TTBK1: variants seen among roughly 807,000 people sequenced by gnomAD.
TTBK1 encodes the protein tau-tubulin kinase 1.
In TTBK1, 34 loss-of-function variants were observed where a neutral mutation model predicts 108.5. The observed-to-expected ratio is 0.31, with a 90% CI of 0.24 to 0.42. TTBK1 has a LOEUF of 0.42. Ranked by LOEUF, TTBK1 falls within the 10% of genes least tolerant of loss-of-function variation. TTBK1 has a pLI of 1.00. For synonymous variants in TTBK1, 809 were observed against 795.1 expected (o/e 1.02, Z -0.29); for missense variants, 1,539 against 1,826.0 (o/e 0.84, Z 2.86).
At chr6:43,274,336 G>A (rs1489633841) in intron 13 of TTBK1, among the ~76,000 whole-genome samples, 4 of 152,164 alleles carry the variant, frequency 2.6e-5, no homozygotes, top group African/African-American at 9.7e-5. Flanking sequence ...CAGGACACCC[G>A]GACTCGCTCT....
At chr6:43,261,460 T>C (rs1231647351) in intron 12 of TTBK1, among the ~76,000 whole-genome samples, 2 of 152,136 alleles carry the variant, frequency 1.3e-5, no homozygotes, top group Non-Finnish European at 2.9e-5. Context: ...ATCCTCCTCT[T>C]GGGGCTGGCA....
intron 1 of TTBK1, among the ~76,000 whole-genome samples, chr6:43,244,998 C>T (rs548697514): frequency 1.7e-4 from 26 of 152,184 alleles, no homozygotes; most frequent in Non-Finnish European, 3.5e-4. Context: ...TTGGAGGAAA[C>T]AGCTCAGCTT....
In TTBK1 at chr6:43,262,940, G is replaced by A. The variant is rs1777580444; in HGVS notation, c.1576G>A (p.Ala526Thr). The A allele has an allele frequency of 1.2e-6, 2 of 1,614,036 alleles. No homozygotes were observed. Among genetic ancestry groups the A allele is most frequent in the African/African-American group, 1.3e-5 (1 of 75,062 alleles). Residue 526 changes from alanine (A) to threonine (T), a missense_variant, in exon 13 of 15, where the codon GCC (alanine) becomes ACC (threonine). By Grantham distance (58) the Ala-to-Thr change is moderately conservative. This residue lies in a region of TTBK1 where 277 missense variants were observed against 332.4 expected (regional missense o/e 0.83). Transcript: ENST00000259750. ...ASVEQEALSN[A>T]FRSVPLAEEE... ...TGTGGAGCAGGAGGCCCTGAGCAACGCCTTCCGCTCGGTGCCGCTGGCTGA... is the reference window on the plus strand; with the variant it reads ...TGTGGAGCAGGAGGCCCTGAGCAACACCTTCCGCTCGGTGCCGCTGGCTGA...
rs12664472 is a variant in TTBK1 at position 43,253,526 on chromosome 6, T to C, written c.331-42T>C. 342,216 of 1,584,884 alleles carry C rather than the reference T, an allele frequency of 0.22. 38,050 individuals carry two copies. The highest frequency in any genetic ancestry group is 0.34 in the East Asian group (15,284 of 44,456). ...ATCACAATGATGGTGTCTGGGATGA[T>C]GGCTGAGGGTGAGTCTACCCCCCAC... is the stretch of plus-strand genomic sequence containing the variant. On this transcript the variant is annotated intron_variant, in intron 4 of 14. Transcript: ENST00000259750. The surrounding 1 kb of genome is among the most constrained non-coding windows in gnomAD (Gnocchi z 5.8).
chr6:43,278,498 C>G (rs1778068125), intron 13 of TTBK1, among the ~76,000 whole-genome samples: 1 of 152,178 alleles, frequency 6.6e-6, no homozygotes, highest in African/African-American at 2.4e-5. Context: ...TCTTCTCTGA[C>G]CTACAGAATC....
chr6:43,284,679 T>C (rs909152339), intron 14 of TTBK1, among the ~76,000 whole-genome samples: 2 of 152,214 alleles, frequency 1.3e-5, no homozygotes, highest in African/African-American at 4.8e-5. Context: ...TTCATATTAA[T>C]ATAAACATAG....
At position 43,265,653 on chromosome 6, in the gene TTBK1, CTGAG is replaced by C. The variant is rs905718323; in HGVS notation, c.1986+2305_1986+2308del. Among the ~76,000 whole-genome samples, 7 of 152,328 alleles carry C rather than the reference CTGAG, an allele frequency of 4.6e-5. No homozygotes were observed. The highest frequency in any genetic ancestry group is 1.7e-4 in the African/African-American group (7 of 41,580). ...GCTCCCGTTTATTCATCCACACTCA[CTGAG>C]TATTTACTGTGTGCCATGTACCACA... On this transcript the variant is annotated intron_variant, in intron 13 of 14. Transcript: ENST00000259750. This position sits in a 1 kb window ranked among gnomAD's most constrained non-coding sequence, Gnocchi z 4.1.
chr6:43,256,699 A>G (rs1018892582), intron 9 of TTBK1, among the ~76,000 whole-genome samples: 1 of 152,166 alleles, frequency 6.6e-6, no homozygotes, highest in African/African-American at 2.4e-5. Flanking sequence ...AGATTAAACC[A>G]CAGCACTCCC....
rs1340979122 is a variant in TTBK1, at chr6:43,283,502, C to T, written c.2762C>T (p.Ser921Leu). Reference protein sequence around the residue: ...TGVGGVAVTSSPFTKVERTFV... With the variant: ...TGVGGVAVTSLPFTKVERTFV... ...GTCGGGGGCGTGGCAGTCACCTCCT[C>T]ACCCTTCACCAAAGTTGAGAGGACC... The change falls in exon 14 of 15, where the codon TCA becomes TTA. Residue 921 changes from serine (S) to leucine (L), a missense_variant. By Grantham distance (145) the Ser-to-Leu change is moderately radical (BLOSUM62 -2). Coordinates refer to ENST00000259750, the MANE Select transcript of TTBK1 (RefSeq NM_032538.3). This position sits in a 1 kb window ranked among gnomAD's most constrained non-coding sequence, Gnocchi z 8.1. 1 of 1,614,062 alleles carries T rather than the reference C, an allele frequency of 6.2e-7. No individual in the cohort carries two copies. Among genetic ancestry groups the T allele is most frequent in the Non-Finnish European group, 8.5e-7 (1 of 1,179,994 alleles).
At position 43,262,904 on chromosome 6, in the gene TTBK1, G is replaced by C. The variant is rs528408568; in HGVS notation, c.1540G>C (p.Val514Leu). The C allele has an allele frequency of 6.2e-7, 1 of 1,613,932 alleles. No homozygotes were observed. Among genetic ancestry groups the C allele is most frequent in the Non-Finnish European group, 8.5e-7 (1 of 1,179,936 alleles). ...CCGACAGGCCAGTGGCCGCATGGAC[G>C]TGTCAGCCTCTGTGGAGCAGGAGGC... ...ADRQASGRMD[V>L]SASVEQEALS... The change falls in exon 13 of 15, where the codon GTG becomes CTG. Residue 514 changes from valine (V) to leucine (L), a missense_variant. Physicochemically the swap from Val to Leu is conservative, Grantham distance 32 (BLOSUM62 1). Coordinates refer to ENST00000259750, the MANE Select transcript of TTBK1 (RefSeq NM_032538.3).
At chr6:43,274,983 ACCCT>A (rs1460151483) in intron 13 of TTBK1, among the ~76,000 whole-genome samples, 1 of 151,748 alleles carries the variant, frequency 6.6e-6, no homozygotes, top group Non-Finnish European at 1.5e-5. Context: ...CCCACCACTC[ACCCT>A]CCCTCCCTGC....
At chr6:43,254,461 C>T in intron 5 of TTBK1, 86 bp from the exon 6 acceptor site, 2 of 916,354 alleles carry the variant, frequency 2.2e-6, no homozygotes, top group Non-Finnish European at 3.3e-6. Context: ...AGCCCTTCAC[C>T]AGCTGCAGAG....
rs756860289 is a variant in TTBK1, at chr6:43,259,681, G to A, written c.1399G>A (p.Gly467Arg). 14 of 1,598,980 alleles carry A rather than the reference G, an allele frequency of 8.8e-6. No homozygotes were observed. Among genetic ancestry groups the A allele is most frequent in the South Asian group, 2.3e-5 (2 of 88,276 alleles). The change falls in exon 12 of 15, where the codon GGG (glycine) becomes AGG (arginine). Residue 467 changes from glycine to arginine, a missense_variant. Transcript: ENST00000259750. The surrounding 1 kb of genome is among the most constrained non-coding windows in gnomAD (Gnocchi z 6.7). Reference sequence around the variant, plus strand: ...GTCAGAAAGGCTGTCCACGGCGGACGGGCGAGTGGAGCTACCTGAGAGGAG... The same window carrying A: ...GTCAGAAAGGCTGTCCACGGCGGACAGGCGAGTGGAGCTACCTGAGAGGAG... Reference protein sequence around the residue: ...PESERLSTADGRVELPERRSR... With the variant: ...PESERLSTADRRVELPERRSR...
At position 43,284,016 on chromosome 6, in the gene TTBK1, G is replaced by A; in HGVS notation, c.3276G>A (p.Leu1092=). 6.3e-7 allele frequency: 1 copy of A among 1,579,178 alleles called. No individual in the cohort carries two copies. Among genetic ancestry groups the A allele is most frequent in the South Asian group, 1.1e-5 (1 of 87,770 alleles). The change falls in exon 14 of 15, where the codon CTG becomes CTA. Residue 1092 remains leucine, a synonymous_variant. Coordinates refer to ENST00000259750, the MANE Select transcript of TTBK1 (RefSeq NM_032538.3). The part of the protein sequence containing the change: ...RARPQQDLAR[L]VMEKRQGRLL... The stretch of plus-strand genomic sequence containing the variant: ...GGCCGCAGCAGGACCTGGCGCGGCT[G>A]GTGATGGAGAAGAGGCAGGGCCGCC...
rs370672733 is a variant in TTBK1, at chr6:43,283,173, C to G, written c.2433C>G (p.Asp811Glu). The part of the protein sequence containing the change: ...QEGAPSTLLA[D>E]DQKESRGRAS... ...GTGCCCCGTCCACGCTGCTGGCAGA[C>G]GATCAGAAGGAGTCCAGGGGCCGGG... The change falls in exon 14 of 15, where the codon GAC becomes GAG. Residue 811 changes from aspartate (D) to glutamate (E), a missense_variant. Physicochemically the swap from Asp to Glu is conservative, Grantham distance 45. Around this residue, in one of 5 missense-constraint regions of TTBK1, gnomAD observed 1,055 missense variants for 1,086.5 expected, o/e 0.97. Transcript: ENST00000259750. The surrounding 1 kb of genome is among the most constrained non-coding windows in gnomAD (Gnocchi z 8.1). The G allele has an allele frequency of 3.9e-5, 61 of 1,557,490 alleles. 1 individual carries two copies. The South Asian group carries it at 7.0e-4, about 18-fold the overall frequency.
At chr6:43,271,493 A>G (rs1422802609) in intron 13 of TTBK1, 1 of 985,236 alleles carries the variant, frequency 1.0e-6, no homozygotes, top group African/African-American at 1.7e-5. Flanking sequence ...GTAGTTTCCT[A>G]TGTAGCTACT....
chr6:43,256,857 G>A (rs147731360), intron 9 of TTBK1, among the ~76,000 whole-genome samples: 55 of 152,280 alleles, frequency 3.6e-4, no homozygotes, highest in African/African-American at 1.3e-3. Context: ...GGGAACTGAG[G>A]CCCAATATAG....
At chr6:43,270,176 C>T in intron 13 of TTBK1, 1 of 1,356,088 alleles carries the variant, frequency 7.4e-7, no homozygotes, top group Non-Finnish European at 9.4e-7. Context: ...AGGTGCCAGC[C>T]AAATGGTGCA....
chr6:43,262,181 G>C (rs902563372), intron 12 of TTBK1, among the ~76,000 whole-genome samples: 4 of 152,230 alleles, frequency 2.6e-5, no homozygotes, highest in African/African-American at 9.6e-5. Flanking sequence ...CTGTATTCAG[G>C]CTGTGAGAGG....
Sources: allele counts gnomAD v4.1 joint callset (sites outside exome capture counted in the v4.1 genomes callset), GRCh38; gene constraint gnomAD v4.1.1; regional missense constraint gnomAD v4.1.1; non-coding constraint Gnocchi (gnomAD v3.1); transcripts MANE v1.5; gene names NCBI Gene and HGNC (gene_info 2026-07-23, HGNC 2026-07-21).